Variants in FBXW7 observed in about 807,000 individuals in gnomAD.
FBXW7 encodes F-box/WD repeat-containing protein 7.
A neutral mutation model predicts 86.3 loss-of-function variants in FBXW7; 11 were observed. That is an observed-to-expected ratio of 0.13 (90% CI 0.08 to 0.21). The LOEUF is 0.21. Among genes scored for constraint, FBXW7 ranks in the 10% least tolerant of loss-of-function variants. The probability of loss-of-function intolerance (pLI) is 1.00; values close to 1 mark genes in which losing one functional copy is unlikely to be tolerated. For synonymous variants in FBXW7, 313 were observed against 297.9 expected (o/e 1.05, Z -0.52); for missense variants, 488 against 847.4 (o/e 0.58, Z 5.27).
chr4:152,530,404 A>C lies in FBXW7; in HGVS notation c.-120+4537T>G, dbSNP rs1484176684. 2.6e-5 allele frequency: 4 copies of C among 152,104 alleles called. No individual in the cohort carries two copies. The East Asian group carries it at 7.7e-4, about 29-fold the overall frequency. The allele number at this position is 152,104 out of a possible 1,614,324, so 9.4% of individuals were successfully genotyped here. A position where few individuals can be genotyped will look rare whatever the true frequency, so the allele number is the denominator to read the frequency against. On this transcript the variant is annotated intron_variant, in intron 2 of 13. Coordinates refer to ENST00000281708, the MANE Select transcript of FBXW7 (RefSeq NM_001349798.2). ...AAGTAAATGCTTTACATTTATTTTC[A>C]GAAGGTTTCAAAAGTATGCCCACAA... is the stretch of plus-strand genomic sequence containing the variant.
intron 4 of FBXW7, among the ~76,000 whole-genome samples, chr4:152,362,615 G>C (rs1168109879): frequency 6.6e-6 from 1 of 151,884 alleles, no homozygotes; most frequent in Non-Finnish European, 1.5e-5. Context: ...TCAAGATCAA[G>C]TTCACCAGGC....
chr4:152,354,283 T>C (rs1732145951), intron 4 of FBXW7, among the ~76,000 whole-genome samples: 1 of 152,004 alleles, frequency 6.6e-6, no homozygotes, highest in African/African-American at 2.4e-5. Flanking sequence ...GAACAATATG[T>C]ATATGTACTC....
At chr4:152,478,870 C>T (rs142098860) in intron 2 of FBXW7, among the ~76,000 whole-genome samples, 1 of 152,080 alleles carries the variant, frequency 6.6e-6, no homozygotes, top group South Asian at 2.1e-4. Flanking sequence ...AATATCTGTT[C>T]AAGTCCTTTA....
At chr4:152,460,848 C>T (rs961369157) in intron 2 of FBXW7, among the ~76,000 whole-genome samples, 3 of 152,144 alleles carry the variant, frequency 2.0e-5, no homozygotes, top group African/African-American at 7.2e-5. Flanking sequence ...CCATCTGAGA[C>T]TCCATTTAGA....
At position 152,332,734 on chromosome 4, in the gene FBXW7, C is replaced by T. The variant is rs1184915941; in HGVS notation, c.862-15G>A. 5.9e-6 allele frequency: 9 copies of T among 1,514,460 alleles called. No homozygotes were observed. The highest frequency in any genetic ancestry group is 8.1e-6 in the Non-Finnish European group (9 of 1,115,538). 93.8% of individuals were successfully genotyped at this position (1,514,460 alleles called of 1,614,324 possible). Reference sequence around the variant, plus strand: ...TAGAGTGCCAACTAAGAAAAAAATGCATAGTATAATACCCATATTTAAATA... The same window carrying T: ...TAGAGTGCCAACTAAGAAAAAAATGTATAGTATAATACCCATATTTAAATA... On this transcript the variant is annotated splice_polypyrimidine_tract_variant and intron_variant, in intron 7 of 13. Coordinates refer to ENST00000281708, the MANE Select transcript of FBXW7 (RefSeq NM_001349798.2).
intron 4 of FBXW7, among the ~76,000 whole-genome samples, chr4:152,410,550 G>T (rs1737851057): frequency 6.6e-6 from 1 of 152,198 alleles, no homozygotes; most frequent in Admixed American, 6.5e-5. Flanking sequence ...TTTACAAGCA[G>T]ATGTAAAACA....
chr4:152,389,440 A>G (rs1318554302), intron 4 of FBXW7, among the ~76,000 whole-genome samples: 2 of 152,164 alleles, frequency 1.3e-5, no homozygotes, highest in Non-Finnish European at 2.9e-5. Context: ...GCTATAAAAA[A>G]GAATGAAATG....
chr4:152,361,358 A>G (rs753292639), intron 4 of FBXW7, among the ~76,000 whole-genome samples: 14 of 152,146 alleles, frequency 9.2e-5, no homozygotes. Context: ...ATATACTTTA[A>G]CAAATTACAT....
intron 4 of FBXW7, among the ~76,000 whole-genome samples, chr4:152,386,155 A>C (rs965215501): frequency 6.6e-6 from 1 of 152,056 alleles, no homozygotes; most frequent in African/African-American, 2.4e-5. Flanking sequence ...AAAAACATTA[A>C]AGATACTCTT....
chr4:152,364,402 G>GT (rs1290331580), intron 4 of FBXW7, among the ~76,000 whole-genome samples: 2 of 152,086 alleles, frequency 1.3e-5, no homozygotes, highest in East Asian at 3.8e-4. Context: ...AAGCTACTAG[G>GT]TTTTTTCCTC....
intron 5 of FBXW7, 75 bp downstream of exon 5, chr4:152,349,967 G>T: frequency 1.2e-6 from 1 of 811,500 alleles, no homozygotes; most frequent in African/African-American, 1.8e-5. Context: ...TATTCTACAA[G>T]AATAAACTAA....
At chr4:152,427,766 C>T (rs1252755274) in intron 2 of FBXW7, among the ~76,000 whole-genome samples, 1 of 152,086 alleles carries the variant, frequency 6.6e-6, no homozygotes. Context: ...TATTAGAAAT[C>T]AAAACTAACA....
intron 4 of FBXW7, among the ~76,000 whole-genome samples, chr4:152,404,347 G>A (rs1001825111): frequency 2.0e-5 from 3 of 152,098 alleles, no homozygotes; most frequent in African/African-American, 7.2e-5. Flanking sequence ...ATAACAAAAT[G>A]GAGAAATTAT....
rs573332703 is a variant in FBXW7, at chr4:152,334,052, TCAA to T, written c.862-1336_862-1334del. Among the ~76,000 whole-genome samples, 117 of 151,526 alleles carry T rather than the reference TCAA, an allele frequency of 7.7e-4. 1 individual carries two copies. Among genetic ancestry groups the T allele is most frequent in the Middle Eastern group, 6.9e-3 (2 of 290 alleles). ...CCGGGCGACAGACCAAGATTCTGTC[TCAA>T]CAACAACAACAACAACAACAACAAC... On this transcript the variant is annotated intron_variant, in intron 7 of 13. Coordinates refer to ENST00000281708, the MANE Select transcript of FBXW7 (RefSeq NM_001349798.2).
chr4:152,506,195 G>T (rs1204233522), intron 2 of FBXW7, among the ~76,000 whole-genome samples: 1 of 151,392 alleles, frequency 6.6e-6, no homozygotes, highest in Non-Finnish European at 1.5e-5. Context: ...GCGGTGGCAC[G>T]ATCTCAGCTC....
intron 2 of FBXW7, among the ~76,000 whole-genome samples, chr4:152,532,293 T>C (rs1750091692): frequency 6.6e-6 from 1 of 152,218 alleles, no homozygotes; most frequent in African/African-American, 2.4e-5. Context: ...CACTCCTCCT[T>C]CTGTATAGCC....
intron 4 of FBXW7, among the ~76,000 whole-genome samples, chr4:152,367,880 T>C (rs903528786): frequency 6.6e-6 from 1 of 152,050 alleles, no homozygotes; most frequent in Non-Finnish European, 1.5e-5. Flanking sequence ...ACAGTATTAA[T>C]GCTTTTAAAA....
At chr4:152,443,817 TG>T (rs1741124963) in intron 2 of FBXW7, among the ~76,000 whole-genome samples, 2 of 152,230 alleles carry the variant, frequency 1.3e-5, no homozygotes, top group African/African-American at 2.4e-5. Flanking sequence ...AAAATTTTAA[TG>T]TTTTTCAGAG....
intron 11 of FBXW7, 77 bp downstream of exon 11, chr4:152,328,127 TTCAG>T (rs1387804924): frequency 9.0e-7 from 1 of 1,109,706 alleles, no homozygotes; most frequent in Admixed American, 2.6e-5. Context: ...CTGTCACTAT[TTCAG>T]TAACTCTACA....
Sources: gnomAD v4.1 joint callset for allele counts (sites outside exome capture counted in the v4.1 genomes callset) on GRCh38, gnomAD v4.1.1 for gene constraint, MANE v1.5 for transcripts, NCBI Gene and HGNC (gene_info 2026-07-23, HGNC 2026-07-21) for gene names.